The following TMEM260 variants were observed in gnomAD, a reference collection of about 807,000 sequenced individuals.
TMEM260 encodes protein O-mannosyl-transferase TMEM260.
Under a neutral mutation model 88.9 loss-of-function variants are expected in TMEM260, and 82 were observed. The observed-to-expected ratio is 0.92, with a 90% CI of 0.77 to 1.11. TMEM260 has a LOEUF of 1.11. TMEM260 is among the 50% of genes least tolerant of loss of function. The pLI, the probability that TMEM260 is intolerant of heterozygous loss-of-function variation, is 0.00. For synonymous variants in TMEM260, 314 were observed against 309.3 expected, an observed-to-expected ratio of 1.02 and a Z score of -0.16; for missense variants, 902 against 853.4, an observed-to-expected ratio of 1.06 and a Z score of -0.71.
At position 56,590,109 on chromosome 14, in the gene TMEM260, G is replaced by A. The variant is rs565461727; in HGVS notation, c.344+4197G>A. On this transcript the variant is annotated intron_variant, in intron 3 of 15. Coordinates refer to ENST00000261556, the MANE Select transcript of TMEM260 (RefSeq NM_017799.4). ...TTCAGGAGAATATCTGTCTTGATCC[G>A]TGGTTAATTGATCATATATTTCTCT... 2.4e-4 allele frequency among the ~76,000 whole-genome samples: 36 copies of A among 152,248 alleles called. 1 individual carries two copies. The highest frequency in any genetic ancestry group is 7.0e-4 in the African/African-American group (29 of 41,568).
intron 5 of TMEM260, among the ~76,000 whole-genome samples, 165 bp from the exon 6 acceptor site, chr14:56,608,941 G>A (rs1245992289): frequency 2.6e-5 from 4 of 152,158 alleles, no homozygotes; most frequent in South Asian, 2.1e-4. Context: ...CTAGTAATCC[G>A]TAGTAATCAG....
chr14:56,580,162 T>G, intron 1 of TMEM260, 88 bp downstream of exon 1: 1 of 1,141,266 alleles, frequency 8.8e-7, no homozygotes, highest in Non-Finnish European at 1.1e-6. Context: ...CTCTTGGCAT[T>G]CGGTCTGGTC....
chr14:56,605,932 G>T (rs997864710), intron 5 of TMEM260, among the ~76,000 whole-genome samples: 1 of 152,080 alleles, frequency 6.6e-6, no homozygotes, highest in African/African-American at 2.4e-5. Context: ...ATGAAAGTAG[G>T]CTGAAAGGAC....
At position 56,617,183 on chromosome 14, in the gene TMEM260, GGACA is replaced by G. The variant is rs1315430186; in HGVS notation, c.949_952del (p.Gln317IlefsTer4). 2.6e-6 allele frequency: 4 copies of G among 1,557,828 alleles called. No individual in the cohort carries two copies. Among genetic ancestry groups the G allele is most frequent in the African/African-American group, 2.8e-5 (2 of 72,438 alleles). On this transcript the variant is annotated frameshift_variant and splice_region_variant, in exon 9 of 16. Transcript: ENST00000261556. LOFTEE classifies it high-confidence loss of function. ...GACATATTTTTATTATTTTTTGTAG[GGACA>G]GACAGAATCCATCATTAGTATGGCT...
At chr14:56,641,399 C>T (rs1889583368) in intron 15 of TMEM260, among the ~76,000 whole-genome samples, 1 of 152,168 alleles carries the variant, frequency 6.6e-6, no homozygotes, top group Non-Finnish European at 1.5e-5. Flanking sequence ...CCCAGAACTT[C>T]ATATCCAGCC....
chr14:56,596,205 C>G (rs1371993942), intron 3 of TMEM260, among the ~76,000 whole-genome samples: 1 of 151,788 alleles, frequency 6.6e-6, no homozygotes, highest in East Asian at 1.9e-4. Flanking sequence ...GTAATTTTAT[C>G]AAGCATTATT....
chr14:56,642,352 A>C (rs1453544784), intron 15 of TMEM260, among the ~76,000 whole-genome samples: 2 of 152,076 alleles, frequency 1.3e-5, no homozygotes, highest in Admixed American at 1.3e-4. Context: ...GGATTAAGAA[A>C]CTCACTCAAA....
intron 11 of TMEM260, among the ~76,000 whole-genome samples, chr14:56,622,757 A>G (rs909580638): frequency 2.0e-5 from 3 of 152,232 alleles, no homozygotes; most frequent in African/African-American, 7.2e-5. Context: ...ATTCAATTGA[A>G]CAAATTATTA....
chr14:56,609,170 T>TC lies in TMEM260; in HGVS notation c.703dup (p.His235ProfsTer9), dbSNP rs762397583. 2 of 1,614,158 alleles carry TC rather than the reference T, an allele frequency of 1.2e-6. No homozygotes were observed. The highest frequency in any genetic ancestry group is 1.7e-6 in the Non-Finnish European group (2 of 1,180,030). On this transcript the variant is annotated frameshift_variant, in exon 6 of 16. Coordinates refer to ENST00000261556, the MANE Select transcript of TMEM260 (RefSeq NM_017799.4). LOFTEE classifies it high-confidence loss of function. ...TTCTCTGCTGGTTTGCTGCCCTATG[T>TC]CCACCTTCCCATCTCATCTTACCTT... is the stretch of plus-strand genomic sequence containing the variant.
chr14:56,653,736 C>CAAAACAAAAAAAACAA (rs1555343537), downstream of TMEM260, among the ~76,000 whole-genome samples: 2 of 66,608 alleles, frequency 3.0e-5, no homozygotes, highest in African/African-American at 1.2e-4. Context: ...CTCTTGTCTC[C>CAAAACAAAAAAAACAA]AAAACAAAAA....
rs556010883 is a variant in TMEM260 at position 56,649,446 on chromosome 14, G to T, written c.*1949G>T. 1 of 152,204 alleles carries T rather than the reference G, an allele frequency of 6.6e-6. No individual in the cohort carries two copies. Among genetic ancestry groups the T allele is most frequent in the East Asian group, 1.9e-4 (1 of 5,186 alleles). The allele number at this position is 152,204 out of a possible 1,614,324, so 9.4% of individuals were successfully genotyped here. ...TAAGTTTATCCATTTGAAAGAAATT[G>T]TGTAAGATTATGATATTCTCTTTTC... On this transcript the variant is annotated 3_prime_UTR_variant, in exon 16 of 16. Transcript: ENST00000261556.
At chr14:56,656,495 C>T in the TMEM260 span, among the ~76,000 whole-genome samples, 2 of 152,152 alleles carry the variant, frequency 1.3e-5, no homozygotes, top group South Asian at 4.1e-4. Context: ...AATAGACTAC[C>T]TCATGGTGCA....
chr14:56,660,793 TCG>T, the TMEM260 span, among the ~76,000 whole-genome samples: 806 of 152,240 alleles, frequency 5.3e-3, 8 homozygotes, highest in African/African-American at 0.019. Context: ...TGTCTCTGTC[TCG>T]CTCTCTCTTC....
chr14:56,639,425 A>G (rs1889390803), intron 15 of TMEM260, among the ~76,000 whole-genome samples: 1 of 152,230 alleles, frequency 6.6e-6, no homozygotes, highest in African/African-American at 2.4e-5. Flanking sequence ...TACCTTATAA[A>G]TATATACACC....
Position 56,639,903 on chromosome 14 carries a change from G to C in TMEM260, c.1869+3305G>C, listed in dbSNP as rs558334590. On this transcript the variant is annotated intron_variant, in intron 15 of 15. Coordinates refer to ENST00000261556, the MANE Select transcript of TMEM260 (RefSeq NM_017799.4). ...ACTCATTGCTAGCACAGCAGTCTGAGATCAAACTGCAAGGTGGCAGCAAGG... is the reference window on the plus strand; with the variant it reads ...ACTCATTGCTAGCACAGCAGTCTGACATCAAACTGCAAGGTGGCAGCAAGG... 2.0e-5 allele frequency among the ~76,000 whole-genome samples: 3 copies of C among 152,320 alleles called. No homozygotes were observed. The South Asian group carries it at 6.2e-4, about 32-fold the overall frequency.
chr14:56,599,083 A>G (rs767666609), intron 3 of TMEM260, among the ~76,000 whole-genome samples: 6 of 151,962 alleles, frequency 3.9e-5, no homozygotes, highest in Non-Finnish European at 7.4e-5. Context: ...CATTTCATTA[A>G]TGGCTCACAC....
intron 5 of TMEM260, 148 bp downstream of exon 5, chr14:56,605,831 A>G (rs941704891): frequency 4.1e-6 from 2 of 487,536 alleles, no homozygotes; most frequent in Non-Finnish European, 7.1e-6. Context: ...ATTGACTGAA[A>G]AAAATAGGAT....
At chr14:56,583,602 CT>C (rs1313642736) in intron 1 of TMEM260, among the ~76,000 whole-genome samples, 6 of 151,970 alleles carry the variant, frequency 3.9e-5, no homozygotes, top group Non-Finnish European at 8.8e-5. Flanking sequence ...ATAAGGCCAT[CT>C]AAAGTGCTAA....
At position 56,647,571 on chromosome 14, in the gene TMEM260, A is replaced by C; in HGVS notation, c.*74A>C. 1 of 1,356,002 alleles carries C rather than the reference A, an allele frequency of 7.4e-7. No homozygotes were observed. The highest frequency in any genetic ancestry group is 1.4e-5 in the African/African-American group (1 of 70,104). The allele number at this position is 1,356,002 out of a possible 1,614,324, so 84.0% of individuals were successfully genotyped here. On this transcript the variant is annotated 3_prime_UTR_variant, in exon 16 of 16. Coordinates refer to ENST00000261556, the MANE Select transcript of TMEM260 (RefSeq NM_017799.4). Reference sequence around the variant, plus strand: ...GAAGTCTGGAAGTTTTTCCTTCAAGAAAAGAAACTGCATAAAAAATTTAAA... The same window carrying C: ...GAAGTCTGGAAGTTTTTCCTTCAAGCAAAGAAACTGCATAAAAAATTTAAA...
Sources: allele counts gnomAD v4.1 joint callset (sites outside exome capture counted in the v4.1 genomes callset), GRCh38; gene constraint gnomAD v4.1.1; transcripts MANE v1.5; gene names NCBI Gene and HGNC (gene_info 2026-07-23, HGNC 2026-07-21).